The following AKAP7 variants were observed in gnomAD, a reference collection of about 807,000 sequenced individuals.
AKAP7 encodes A-kinase anchoring protein 7, also known as A kinase (PRKA) anchor protein 7.
Under a neutral mutation model 39.5 loss-of-function variants are expected in AKAP7, and 39 were observed. The ratio of observed to expected loss-of-function variants is 0.99; its 90% confidence interval spans 0.76 to 1.29. AKAP7 has a LOEUF of 1.29. AKAP7 is among the 50% of genes most tolerant of loss of function. AKAP7 has a pLI of 0.00. For missense variants in AKAP7, 414 were observed against 407.7 expected (o/e 1.02, Z -0.13); for synonymous variants, 140 against 139.1 (o/e 1.01, Z -0.05).
rs7746083 is a variant in AKAP7 at position 131,282,513 on chromosome 6, A to G, written c.*787A>G. 1.3e-6 allele frequency: 2 copies of G among 1,535,784 alleles called. No individual in the cohort carries two copies. The highest frequency in any genetic ancestry group is 1.7e-6 in the Non-Finnish European group (2 of 1,146,796). ...GAACTTTTATTAAAGCCTGAGACTC[A>G]GGCCAGAATTAGGAGGGAGCTTTTT... On this transcript the variant is annotated 3_prime_UTR_variant, in exon 8 of 8. Coordinates refer to ENST00000431975, the MANE Select transcript of AKAP7 (RefSeq NM_016377.4).
chr6:131,198,896 C>CT (rs1807234328), intron 5 of AKAP7, among the ~76,000 whole-genome samples: 1 of 149,200 alleles, frequency 6.7e-6, no homozygotes, highest in African/African-American at 2.6e-5. Flanking sequence ...TGGTACAAGT[C>CT]TTACTTCTCA....
chr6:131,247,850 G>T (rs901952813), intron 7 of AKAP7, among the ~76,000 whole-genome samples: 4 of 152,008 alleles, frequency 2.6e-5, no homozygotes, highest in African/African-American at 9.7e-5. Context: ...GGCTGGTCTC[G>T]CAGTCTTGGC....
chr6:131,215,473 TCCTGACTCAGAGGAG>T (rs1809087899), intron 6 of AKAP7, among the ~76,000 whole-genome samples: 1 of 152,196 alleles, frequency 6.6e-6, no homozygotes, highest in Non-Finnish European at 1.5e-5. Flanking sequence ...CTGAGCCTCC[TCCTGACTCAGAGGAG>T]CTGAGGGAAG....
intron 5 of AKAP7, among the ~76,000 whole-genome samples, chr6:131,176,561 T>A (rs1022094209): frequency 5.9e-5 from 9 of 152,212 alleles, no homozygotes; most frequent in African/African-American, 1.9e-4. Context: ...CTTTTTTTTT[T>A]AAATAGAAAA....
chr6:131,135,292 C>T (rs1418207044), upstream of AKAP7, among the ~76,000 whole-genome samples: 1 of 152,224 alleles, frequency 6.6e-6, no homozygotes, highest in Non-Finnish European at 1.5e-5. Flanking sequence ...CAAAGGCCGT[C>T]GGAGGCCGCG....
At chr6:131,252,861 G>A (rs1421848263) in intron 7 of AKAP7, among the ~76,000 whole-genome samples, 2 of 152,254 alleles carry the variant, frequency 1.3e-5, no homozygotes, top group East Asian at 3.9e-4. Context: ...TCTGAGCAAT[G>A]TACTCCTTGA....
chr6:131,199,606 A>G (rs776309616), intron 6 of AKAP7, 33 bp downstream of exon 6: 19 of 1,441,394 alleles, frequency 1.3e-5, no homozygotes, highest in Non-Finnish European at 1.7e-5. Context: ...AGCCTGTTTT[A>G]CCAGGCCACA....
chr6:131,199,619 A>G, intron 6 of AKAP7, 46 bp downstream of exon 6: 1 of 1,401,074 alleles, frequency 7.1e-7, no homozygotes, highest in South Asian at 1.2e-5. Context: ...AGGCCACACC[A>G]GCCATAAGCA....
intron 6 of AKAP7, among the ~76,000 whole-genome samples, chr6:131,206,805 C>A (rs923833510): frequency 3.9e-5 from 6 of 152,068 alleles, no homozygotes; most frequent in Non-Finnish European, 7.4e-5. Context: ...ATCTATCTAT[C>A]TATCTCTGCA....
Position 131,281,511 on chromosome 6 carries a change from TCTC to T in AKAP7, c.851-18_851-16del. ...GCAATGTGATCTCAGTGACCTCTCT[TCTC>T]TATTGTGGAATGTAGGTGAAAAGAA... On this transcript the variant is annotated splice_polypyrimidine_tract_variant and intron_variant, in intron 7 of 7. Coordinates refer to ENST00000431975, the MANE Select transcript of AKAP7 (RefSeq NM_016377.4). The surrounding 1 kb of genome is among the most constrained non-coding windows in gnomAD (Gnocchi z 4.0). The T allele has an allele frequency of 6.4e-7, 1 of 1,573,840 alleles. No homozygotes were observed. The highest frequency in any genetic ancestry group is 8.6e-7 in the Non-Finnish European group (1 of 1,158,762).
intron 5 of AKAP7, among the ~76,000 whole-genome samples, chr6:131,179,168 GT>G (rs145633324): frequency 0.46 from 69,393 of 150,444 alleles, 16,345 homozygotes; most frequent in East Asian, 0.77. Context: ...TGTCTATTCG[GT>G]TTTTTTTTTG....
chr6:131,206,925 T>C (rs1359647136), intron 6 of AKAP7, among the ~76,000 whole-genome samples: 2 of 152,188 alleles, frequency 1.3e-5, no homozygotes, highest in Non-Finnish European at 2.9e-5. Flanking sequence ...CTCAGGAGCA[T>C]TAAGACTATT....
intron 1 of AKAP7, chr6:131,136,879 G>C (rs905585086): frequency 1.0e-6 from 1 of 985,084 alleles, no homozygotes; most frequent in Non-Finnish European, 1.2e-6. Context: ...GCTAAGCCAG[G>C]ACTAGAATGG....
chr6:131,135,773 C>A lies in AKAP7; in HGVS notation c.10C>A (p.Pro4Thr). 3 of 1,230,494 alleles carry A rather than the reference C, an allele frequency of 2.4e-6. No individual in the cohort carries two copies. Among genetic ancestry groups the A allele is most frequent in the Non-Finnish European group, 3.0e-6 (3 of 988,170 alleles). 76.2% of individuals were successfully genotyped at this position (1,230,494 alleles called of 1,614,324 possible). A position where few individuals can be genotyped will look rare whatever the true frequency, so the allele number is the denominator to read the frequency against. Reference protein sequence around the residue: MERPEAGGINSNEC... With the variant: MERTEAGGINSNEC... ...CGCATGCGCCGCGACCATGGAGCGC[C>A]CCGAAGCGGGTGAGACCGGGCTGTC... Residue 4 changes from proline to threonine, a missense_variant, in exon 1 of 8, where the codon CCC (proline) becomes ACC (threonine). Transcript: ENST00000431975.
intron 1 of AKAP7, among the ~76,000 whole-genome samples, chr6:131,137,091 T>G (rs1800613579): frequency 6.6e-6 from 1 of 151,904 alleles, no homozygotes; most frequent in Non-Finnish European, 1.5e-5. Context: ...CCTCCCCAAG[T>G]AGCGGGGACT....
intron 7 of AKAP7, among the ~76,000 whole-genome samples, chr6:131,262,330 G>C (rs59930170): frequency 0.027 from 4,040 of 152,206 alleles, 172 homozygotes; most frequent in African/African-American, 0.092. Flanking sequence ...AAATAAGTGA[G>C]TTGAGTCCCA....
chr6:131,162,471 A>G lies in AKAP7; in HGVS notation c.291+2273A>G, dbSNP rs1456769308. Among the ~76,000 whole-genome samples, 5 of 152,196 alleles carry G rather than the reference A, an allele frequency of 3.3e-5. No individual in the cohort carries two copies. In the East Asian group the frequency reaches 9.7e-4, roughly 29 times the overall value. Reference sequence around the variant, plus strand: ...CAGGTCAGGTTACCTAAATTTTTCAAGTTTCAGTTTGTTCAGGTGTAAAAT... The same window carrying G: ...CAGGTCAGGTTACCTAAATTTTTCAGGTTTCAGTTTGTTCAGGTGTAAAAT... On this transcript the variant is annotated intron_variant, in intron 3 of 7. Coordinates refer to ENST00000431975, the MANE Select transcript of AKAP7 (RefSeq NM_016377.4).
intron 5 of AKAP7, among the ~76,000 whole-genome samples, chr6:131,183,876 T>A (rs1363869095): frequency 6.6e-6 from 1 of 152,154 alleles, no homozygotes; most frequent in African/African-American, 2.4e-5. Flanking sequence ...TGGCCTCAGC[T>A]GCTCGCTACC....
At chr6:131,218,144 T>G (rs1244783636) in intron 6 of AKAP7, among the ~76,000 whole-genome samples, 4 of 152,062 alleles carry the variant, frequency 2.6e-5, no homozygotes, top group Non-Finnish European at 5.9e-5. Context: ...GGGGGAGAGA[T>G]TAGGAGTCCA....
Sources: gnomAD v4.1 joint callset for allele counts (sites outside exome capture counted in the v4.1 genomes callset) on GRCh38, gnomAD v4.1.1 for gene constraint, Gnocchi (gnomAD v3.1) non-coding constraint, MANE v1.5 for transcripts, NCBI Gene and HGNC (gene_info 2026-07-23, HGNC 2026-07-21) for gene names.